Variants in IRAK2 observed in about 807,000 individuals in gnomAD.
IRAK2 encodes interleukin-1 receptor-associated kinase-like 2.
IRAK2 carries 57 observed loss-of-function variants against 72.0 expected under a neutral mutation model. The observed-to-expected ratio is 0.79, with a 90% CI of 0.64 to 0.99. The LOEUF (loss-of-function observed/expected upper bound fraction) is 0.99, where lower values mean the gene tolerates loss of function less well. Ranked by LOEUF, IRAK2 falls within the 50% of genes least tolerant of loss-of-function variation. IRAK2 has a pLI of 0.00. For missense variants in IRAK2, 790 were observed against 794.4 expected (o/e 0.99, Z 0.07); for synonymous variants, 293 against 312.7 (o/e 0.94, Z 0.67).
At chr3:10,175,890 CAAAA>C (rs59718922) in intron 1 of IRAK2, among the ~76,000 whole-genome samples, 1 of 53,698 alleles carries the variant, frequency 1.9e-5, no homozygotes, top group Non-Finnish European at 3.5e-5. Flanking sequence ...GACTCCGTCT[CAAAA>C]AAAAAAAAAA....
At chr3:10,216,784 G>T (rs1174469561) in intron 6 of IRAK2, 150 bp from the exon 7 acceptor site, 4 of 629,154 alleles carry the variant, frequency 6.4e-6, no homozygotes, top group Non-Finnish European at 1.1e-5. Flanking sequence ...TTTCCACCCT[G>T]GGGCCAGGCC....
chr3:10,202,848 C>A (rs186093113), intron 3 of IRAK2, among the ~76,000 whole-genome samples: 141 of 152,006 alleles, frequency 9.3e-4, no homozygotes, highest in Middle Eastern at 6.8e-3. Context: ...TACATCACTA[C>A]GGCCGGCTAA....
chr3:10,238,022 C>T (rs1320222889), intron 11 of IRAK2, among the ~76,000 whole-genome samples: 3 of 150,486 alleles, frequency 2.0e-5, no homozygotes, highest in Non-Finnish European at 3.0e-5. Context: ...TCCCTAACCA[C>T]AAAAACCTTC....
intron 2 of IRAK2, among the ~76,000 whole-genome samples, chr3:10,191,471 G>A (rs991695326): frequency 1.3e-5 from 2 of 152,176 alleles, no homozygotes; most frequent in African/African-American, 2.4e-5. Context: ...ACAAGGCCCT[G>A]CATGGTCTAC....
At chr3:10,230,860 C>A (rs992446165) in intron 10 of IRAK2, among the ~76,000 whole-genome samples, 2 of 152,164 alleles carry the variant, frequency 1.3e-5, no homozygotes, top group East Asian at 3.9e-4. Flanking sequence ...TCAATTGATT[C>A]TCCTGCCTCA....
chr3:10,171,575 T>A (rs1319859083), intron 1 of IRAK2, among the ~76,000 whole-genome samples: 1 of 152,196 alleles, frequency 6.6e-6, no homozygotes, highest in East Asian at 1.9e-4. Flanking sequence ...AGAGTGATAG[T>A]CCCTGTACTG....
At chr3:10,209,010 A>G (rs767018344) in intron 3 of IRAK2, among the ~76,000 whole-genome samples, 5 of 151,956 alleles carry the variant, frequency 3.3e-5, no homozygotes, top group Non-Finnish European at 7.4e-5. Context: ...CCACTGCCCC[A>G]TATCTGCTTG....
intron 6 of IRAK2, among the ~76,000 whole-genome samples, chr3:10,216,264 A>G (rs776698042): frequency 7.2e-5 from 11 of 152,134 alleles, no homozygotes; most frequent in Admixed American, 1.3e-4. Context: ...TGGGATAATA[A>G]ATATGGGTGA....
At chr3:10,241,745 C>A (rs1575995951) in intron 12 of IRAK2, among the ~76,000 whole-genome samples, 1 of 128,878 alleles carries the variant, frequency 7.8e-6, no homozygotes, top group Non-Finnish European at 1.6e-5. Context: ...TACTAAAACA[C>A]AAAAAAATTA....
chr3:10,190,744 T>G (rs111594564), intron 2 of IRAK2, among the ~76,000 whole-genome samples: 5,486 of 152,282 alleles, frequency 0.036, 139 homozygotes, highest in Non-Finnish European at 0.054. Flanking sequence ...AGATGATGCA[T>G]TAGCCAGGAT....
intron 2 of IRAK2, among the ~76,000 whole-genome samples, chr3:10,178,510 T>C (rs1696914002): frequency 6.6e-6 from 1 of 151,072 alleles, no homozygotes; most frequent in Admixed American, 6.6e-5. Context: ...TGGTTACCTG[T>C]GGGGAGAGGA....
chr3:10,222,886 C>T lies in IRAK2; in HGVS notation c.1209+55C>T, dbSNP rs1055785501. On this transcript the variant is annotated intron_variant, in intron 9 of 12. Transcript: ENST00000256458. ...GGCCCACCTTGATTTGTCCTTCCCA[C>T]GGCTCCTTTGTAATCACAGGATACG... The T allele has an allele frequency of 3.9e-5, 58 of 1,486,424 alleles. 2 individuals are homozygous for T. In the South Asian group the frequency reaches 5.0e-4, roughly 13 times the overall value. The allele number at this position is 1,486,424 out of a possible 1,614,324, so 92.1% of individuals were successfully genotyped here.
At position 10,231,374 on chromosome 3, in the gene IRAK2, C is replaced by T. The variant is rs567717079; in HGVS notation, c.1273-3085C>T. Among the ~76,000 whole-genome samples the T allele has an allele frequency of 2.6e-5, 4 of 152,128 alleles. No homozygotes were observed. In the South Asian group the frequency reaches 6.2e-4, roughly 24 times the overall value. ...TGGTGTGCTTTTGGCTTACCACAAC[C>T]TCTGTCTCCCAGGTTCAAGCAATTC... On this transcript the variant is annotated intron_variant, in intron 10 of 12. Coordinates refer to ENST00000256458, the MANE Select transcript of IRAK2 (RefSeq NM_001570.4).
intron 2 of IRAK2, among the ~76,000 whole-genome samples, chr3:10,183,189 AG>A (rs935306446): frequency 2.0e-5 from 3 of 152,196 alleles, no homozygotes; most frequent in African/African-American, 7.2e-5. Flanking sequence ...TTACCTCTCC[AG>A]GGGATGTGCC....
rs758309915 is a variant in IRAK2 at position 10,164,990 on chromosome 3, G to C, written c.36G>C (p.Val12=). 1 of 1,611,792 alleles carries C rather than the reference G, an allele frequency of 6.2e-7. No homozygotes were observed. Among genetic ancestry groups the C allele is most frequent in the Non-Finnish European group, 8.5e-7 (1 of 1,179,616 alleles). ...ACYIYQLPSW[V]LDDLCRNMDA... is the part of the protein sequence containing the mutation. ...ACATCTACCAGCTGCCCTCCTGGGT[G>C]CTGGACGACCTGTGCCGCAACATGG... The change falls in exon 1 of 13, where the codon GTG becomes GTC. Residue 12 remains valine (V), a synonymous_variant. Coordinates refer to ENST00000256458, the MANE Select transcript of IRAK2 (RefSeq NM_001570.4).
chr3:10,187,106 C>A (rs1463613776), intron 2 of IRAK2, among the ~76,000 whole-genome samples: 1 of 151,048 alleles, frequency 6.6e-6, no homozygotes, highest in Non-Finnish European at 1.5e-5. Context: ...GATGTTGGAG[C>A]ATTTTGGATT....
At position 10,243,730 on chromosome 3, in the gene IRAK2, A is replaced by G. The variant is rs944419719; in HGVS notation, c.*1502A>G. 1 of 152,216 alleles carries G rather than the reference A, an allele frequency of 6.6e-6. No individual in the cohort carries two copies. 9.4% of individuals were successfully genotyped at this position (152,216 alleles called of 1,614,324 possible). A position where few individuals can be genotyped will look rare whatever the true frequency, so the allele number is the denominator to read the frequency against. The stretch of plus-strand genomic sequence containing the variant: ...TAATTTCTTTTTATATAATAAAAAT[A>G]TATTTGTAAAGTCGACAGACAACTT... On this transcript the variant is annotated 3_prime_UTR_variant, in exon 13 of 13. Transcript: ENST00000256458.
At chr3:10,215,393 CA>C (rs562788691) in intron 6 of IRAK2, among the ~76,000 whole-genome samples, 6,579 of 79,606 alleles carry the variant, frequency 0.083, 137 homozygotes, top group African/African-American at 0.19. Flanking sequence ...GACTCTGTCT[CA>C]AAAAAAAAAA....
intron 11 of IRAK2, among the ~76,000 whole-genome samples, chr3:10,237,509 G>A (rs1405519400): frequency 6.6e-6 from 1 of 152,100 alleles, no homozygotes; most frequent in Non-Finnish European, 1.5e-5. Context: ...CATTGTGTAT[G>A]AAATGGATAC....
Sources: gnomAD v4.1 joint callset for allele counts (sites outside exome capture counted in the v4.1 genomes callset) on GRCh38, gnomAD v4.1.1 for gene constraint, MANE v1.5 for transcripts, NCBI Gene and HGNC (gene_info 2026-07-23, HGNC 2026-07-21) for gene names.